LRMDA: variants seen among roughly 807,000 people sequenced by gnomAD.
LRMDA encodes the protein leucine rich melanocyte differentiation associated.
A neutral mutation model predicts 29.8 loss-of-function variants in LRMDA; 18 were observed. That is an observed-to-expected ratio of 0.60 (90% CI 0.42 to 0.90). LRMDA has a LOEUF of 0.90. LRMDA is among the 40% of genes least tolerant of loss of function. LRMDA has a pLI of 0.00. For synonymous variants in LRMDA, 125 were observed against 109.4 expected (o/e 1.14, Z -0.89); for missense variants, 273 against 273.9 (o/e 1.00, Z 0.02).
At chr10:76,207,492 G>A (rs1286026969) in intron 5 of LRMDA, among the ~76,000 whole-genome samples, 2 of 152,136 alleles carry the variant, frequency 1.3e-5, no homozygotes, top group Admixed American at 1.3e-4. Context: ...ACTGACTTAA[G>A]TATTTATTTT....
chr10:76,248,189 G>A (rs1282550523), intron 5 of LRMDA, among the ~76,000 whole-genome samples: 1 of 152,078 alleles, frequency 6.6e-6, no homozygotes, highest in East Asian at 1.9e-4. Context: ...TGTACCCCCA[G>A]GGCAGGAGTA....
intron 5 of LRMDA, among the ~76,000 whole-genome samples, chr10:76,305,847 T>C (rs1840548186): frequency 6.6e-6 from 1 of 152,102 alleles, no homozygotes; most frequent in Admixed American, 6.5e-5. Context: ...AAGGCCTCTT[T>C]CAAGAACGGC....
intron 6 of LRMDA, among the ~76,000 whole-genome samples, chr10:76,527,280 C>T (rs1564567274): frequency 6.6e-6 from 1 of 152,118 alleles, no homozygotes; most frequent in Non-Finnish European, 1.5e-5. Context: ...ATTAAGTATG[C>T]ACTACCATGT....
rs916277501 is a variant in LRMDA at position 76,267,460 on chromosome 10, A to G, written c.517-56941A>G. The stretch of plus-strand genomic sequence containing the variant: ...TTATCACTCCAGTAGAAACTCTATA[A>G]TTATTAAGCAATAACTCCCTATTTC... On this transcript the variant is annotated intron_variant, in intron 5 of 6. Transcript: ENST00000611255. Among the ~76,000 whole-genome samples, 3 of 152,166 alleles carry G rather than the reference A, an allele frequency of 2.0e-5. No homozygotes were observed. The South Asian group carries it at 6.2e-4, about 31-fold the overall frequency.
At chr10:76,426,862 C>A (rs1842132045) in intron 6 of LRMDA, among the ~76,000 whole-genome samples, 1 of 152,172 alleles carries the variant, frequency 6.6e-6, no homozygotes, top group Non-Finnish European at 1.5e-5. Context: ...AATAGGGAAT[C>A]CTTTCCCCAT....
intron 2 of LRMDA, among the ~76,000 whole-genome samples, chr10:75,870,931 TG>T (rs140346047): frequency 0.067 from 10,259 of 152,202 alleles, 724 homozygotes; most frequent in East Asian, 0.32. Flanking sequence ...CACACCCCTT[TG>T]TTCTCTGTTG....
At chr10:75,558,676 C>T (rs1453488575) in intron 2 of LRMDA, among the ~76,000 whole-genome samples, 1 of 148,534 alleles carries the variant, frequency 6.7e-6, no homozygotes, top group East Asian at 2.0e-4. Flanking sequence ...TGCTATCCCT[C>T]CCCACTCCCC....
At chr10:76,301,317 TACATGTG>T (rs1384863387) in intron 5 of LRMDA, among the ~76,000 whole-genome samples, 1 of 152,184 alleles carries the variant, frequency 6.6e-6, no homozygotes, top group Non-Finnish European at 1.5e-5. Context: ...AATTTTTACA[TACATGTG>T]AGAGGAATCA....
chr10:75,488,565 A>G (rs1403217613), intron 2 of LRMDA, among the ~76,000 whole-genome samples: 1 of 152,168 alleles, frequency 6.6e-6, no homozygotes, highest in Admixed American at 6.5e-5. Context: ...AAGGATAAAA[A>G]GTTAGCATTG....
chr10:75,679,550 A>G (rs1286961295), intron 2 of LRMDA, among the ~76,000 whole-genome samples: 1 of 152,204 alleles, frequency 6.6e-6, no homozygotes, highest in East Asian at 1.9e-4. Context: ...GGGGCTGGCC[A>G]TGCATCTCTC....
intron 2 of LRMDA, among the ~76,000 whole-genome samples, chr10:75,750,641 G>GGGC (rs1294808931): frequency 6.8e-6 from 1 of 148,062 alleles, no homozygotes; most frequent in Non-Finnish European, 1.5e-5. Flanking sequence ...CCCAGATGAT[G>GGGC]GGCAGCCGGG....
At chr10:75,690,160 G>A (rs1842127536) in intron 2 of LRMDA, among the ~76,000 whole-genome samples, 1 of 152,142 alleles carries the variant, frequency 6.6e-6, no homozygotes, top group Admixed American at 6.5e-5. Context: ...TACAGTTTGG[G>A]AAACAGTGGC....
chr10:76,086,027 G>A (rs941690090), intron 5 of LRMDA, among the ~76,000 whole-genome samples: 3 of 152,264 alleles, frequency 2.0e-5, no homozygotes, highest in Middle Eastern at 3.4e-3. Flanking sequence ...CAATTTTATA[G>A]TCTTCTCAAG....
At chr10:76,061,219 TG>T (rs1316113525) in intron 5 of LRMDA, among the ~76,000 whole-genome samples, 2 of 152,144 alleles carry the variant, frequency 1.3e-5, no homozygotes, top group Non-Finnish European at 2.9e-5. Flanking sequence ...ATATCTTTTG[TG>T]GGAACATGGA....
At chr10:75,497,642 T>A (rs747335811) in intron 2 of LRMDA, among the ~76,000 whole-genome samples, 2 of 151,948 alleles carry the variant, frequency 1.3e-5, no homozygotes, top group African/African-American at 4.8e-5. Context: ...AATTGCTCTT[T>A]TTTTTTTTCT....
intron 5 of LRMDA, among the ~76,000 whole-genome samples, chr10:76,319,820 C>G (rs1383656009): frequency 6.6e-6 from 1 of 152,108 alleles, no homozygotes; most frequent in Non-Finnish European, 1.5e-5. Context: ...GCGAGCATGC[C>G]AAAGCGCTCC....
chr10:75,432,776 ACTGT>A (rs1844216849), intron 1 of LRMDA, among the ~76,000 whole-genome samples: 1 of 152,216 alleles, frequency 6.6e-6, no homozygotes, highest in Non-Finnish European at 1.5e-5. Context: ...GTGAGGGCCA[ACTGT>A]GCAGCCCATT....
chr10:75,534,489 G>T (rs1048134002), intron 2 of LRMDA, among the ~76,000 whole-genome samples: 2 of 152,160 alleles, frequency 1.3e-5, no homozygotes, highest in Admixed American at 6.5e-5. Flanking sequence ...TATTTGGCAG[G>T]GGGGGATTCT....
intron 2 of LRMDA, among the ~76,000 whole-genome samples, chr10:75,701,914 C>T (rs1842312473): frequency 6.6e-6 from 1 of 152,152 alleles, no homozygotes; most frequent in Non-Finnish European, 1.5e-5. Context: ...AGATTCTAAT[C>T]GCTTCCCATT....
Sources: gnomAD v4.1 joint callset for allele counts (sites outside exome capture counted in the v4.1 genomes callset) on GRCh38, gnomAD v4.1.1 for gene constraint, MANE v1.5 for transcripts, NCBI Gene and HGNC (gene_info 2026-07-23, HGNC 2026-07-21) for gene names.